GLIS1: variants seen among roughly 807,000 people sequenced by gnomAD.
GLIS1 encodes GLIS family zinc finger 1.
GLIS1 carries 24 observed loss-of-function variants against 63.8 expected under a neutral mutation model. The ratio of observed to expected loss-of-function variants is 0.38; its 90% CI spans 0.27 to 0.53. The LOEUF (loss-of-function observed/expected upper bound fraction) is 0.53, where lower values mean the gene tolerates loss of function less well. Among genes scored for constraint, GLIS1 ranks in the 20% least tolerant of loss-of-function variants. The pLI, the probability that GLIS1 is intolerant of heterozygous loss-of-function variation, is 0.85. For missense variants in GLIS1, 1,036 were observed against 1,074.1 expected, an observed-to-expected ratio of 0.96 and a Z score of 0.50; for synonymous variants, 450 against 482.5, an observed-to-expected ratio of 0.93 and a Z score of 0.88.
chr1:53,576,199 C>G (rs1292051723), intron 4 of GLIS1, among the ~76,000 whole-genome samples: 1 of 152,084 alleles, frequency 6.6e-6, no homozygotes, highest in Non-Finnish European at 1.5e-5. Context: ...CAGGCCCAGC[C>G]ACATTGGGTG....
chr1:53,619,601 A>G (rs1298861418), intron 2 of GLIS1, among the ~76,000 whole-genome samples: 1 of 152,192 alleles, frequency 6.6e-6, no homozygotes, highest in Admixed American at 6.5e-5. Context: ...ACACATCTAG[A>G]AGGAGACATA....
chr1:53,623,736 C>G (rs986079162), intron 2 of GLIS1, among the ~76,000 whole-genome samples: 1 of 152,108 alleles, frequency 6.6e-6, no homozygotes. Context: ...TTTTAATTCT[C>G]TATACTAGAG....
chr1:53,615,814 C>CT (rs1469426778), intron 2 of GLIS1, among the ~76,000 whole-genome samples: 1 of 152,016 alleles, frequency 6.6e-6, no homozygotes, highest in African/African-American at 2.4e-5. Flanking sequence ...ATGGCACCAT[C>CT]TCGGCTCACT....
intron 2 of GLIS1, among the ~76,000 whole-genome samples, chr1:53,700,910 A>T (rs989950644): frequency 6.6e-6 from 1 of 152,238 alleles, no homozygotes; most frequent in Non-Finnish European, 1.5e-5. Context: ...CACACAGCAT[A>T]ACGTTTCTAA....
chr1:53,708,945 T>C (rs1332310664), intron 2 of GLIS1, among the ~76,000 whole-genome samples: 1 of 152,090 alleles, frequency 6.6e-6, no homozygotes, highest in African/African-American at 2.4e-5. Flanking sequence ...TTCATTTACT[T>C]GTTTACTGGC....
intron 4 of GLIS1, among the ~76,000 whole-genome samples, chr1:53,544,225 A>C (rs1644675397): frequency 2.0e-5 from 3 of 152,222 alleles, no homozygotes; most frequent in African/African-American, 7.2e-5. Flanking sequence ...CCAATAATTT[A>C]CAGAAAATAG....
At chr1:53,593,356 G>A (rs1052393986) in intron 4 of GLIS1, among the ~76,000 whole-genome samples, 1 of 152,266 alleles carries the variant, frequency 6.6e-6, no homozygotes, top group Non-Finnish European at 1.5e-5. Context: ...CCCCACAGAC[G>A]GGGCAGAAAT....
intron 3 of GLIS1, among the ~76,000 whole-genome samples, chr1:53,597,995 T>C (rs529927221): frequency 6.6e-6 from 1 of 152,244 alleles, no homozygotes; most frequent in Admixed American, 6.5e-5. Flanking sequence ...ACCAGGGAAA[T>C]TGGGTACCAC....
intron 2 of GLIS1, among the ~76,000 whole-genome samples, chr1:53,718,855 G>C (rs916417887): frequency 2.0e-5 from 3 of 152,152 alleles, no homozygotes; most frequent in Non-Finnish European, 2.9e-5. Context: ...TCTCAAGTCT[G>C]ACTTTTCTGT....
intron 2 of GLIS1, among the ~76,000 whole-genome samples, chr1:53,680,516 T>C (rs1646263957): frequency 6.6e-6 from 1 of 152,226 alleles, no homozygotes; most frequent in Non-Finnish European, 1.5e-5. Context: ...TTGCAAAAGA[T>C]GAATAATAAA....
chr1:53,584,213 C>G (rs1645112273), intron 4 of GLIS1, among the ~76,000 whole-genome samples: 2 of 152,224 alleles, frequency 1.3e-5, no homozygotes, highest in Admixed American at 1.3e-4. Flanking sequence ...AGACTCTCTC[C>G]ACTCCCTCGG....
At chr1:53,703,811 T>C (rs770619363) in intron 2 of GLIS1, among the ~76,000 whole-genome samples, 2 of 152,116 alleles carry the variant, frequency 1.3e-5, no homozygotes, top group Non-Finnish European at 2.9e-5. Flanking sequence ...CTCAGAATAC[T>C]GCCTGCCTGG....
intron 2 of GLIS1, among the ~76,000 whole-genome samples, chr1:53,631,880 A>G (rs1645655486): frequency 6.6e-6 from 1 of 152,138 alleles, no homozygotes; most frequent in African/African-American, 2.4e-5. Flanking sequence ...GGCCAGGATC[A>G]GCAAGAAGCC....
chr1:53,693,951 C>A (rs3013765), intron 2 of GLIS1, among the ~76,000 whole-genome samples: 150,901 of 152,334 alleles, frequency 0.99, 74,755 homozygotes, highest in Middle Eastern at 1. Context: ...CACTCTGAAC[C>A]AGCTTTCCCT....
intron 2 of GLIS1, among the ~76,000 whole-genome samples, chr1:53,700,429 C>G (rs1357628138): frequency 6.6e-6 from 1 of 152,134 alleles, no homozygotes; most frequent in African/African-American, 2.4e-5. Flanking sequence ...GAAGTGCATA[C>G]ATCTCGGCCC....
chr1:53,510,152 T>C, intron 8 of GLIS1, 125 bp from the exon 9 acceptor site: 1 of 443,722 alleles, frequency 2.3e-6, no homozygotes, highest in Non-Finnish European at 3.8e-6. Flanking sequence ...CTGCTCCGAC[T>C]TACAATAGTT....
intron 2 of GLIS1, among the ~76,000 whole-genome samples, chr1:53,658,832 C>T (rs965651745): frequency 6.6e-6 from 1 of 152,156 alleles, no homozygotes; most frequent in African/African-American, 2.4e-5. Flanking sequence ...GCCTACCTGT[C>T]TCTCCCCCAA....
rs962511945 is a variant in GLIS1 at position 53,598,306 on chromosome 1, G to A, written c.437+1795C>T. On this transcript the variant is annotated intron_variant, in intron 3 of 10. Transcript: ENST00000628545. The surrounding 1 kb of genome is among the most constrained non-coding windows in gnomAD (Gnocchi z 4.6). ...GCCTGTAATCCCAGCACTTTGGGAG[G>A]CTGAGGCAGGTGAATTGCTTGAGCC... 6.6e-6 allele frequency among the ~76,000 whole-genome samples: 1 copy of A among 152,230 alleles called. No individual in the cohort carries two copies. The highest frequency in any genetic ancestry group is 1.5e-5 in the Non-Finnish European group (1 of 68,044).
chr1:53,705,027 C>T (rs550991918), intron 2 of GLIS1, among the ~76,000 whole-genome samples: 1 of 152,266 alleles, frequency 6.6e-6, no homozygotes, highest in East Asian at 1.9e-4. Flanking sequence ...CACACCTGCC[C>T]CCAACACGTA....
Sources: allele counts gnomAD v4.1 joint callset (sites outside exome capture counted in the v4.1 genomes callset), GRCh38; gene constraint gnomAD v4.1.1; non-coding constraint Gnocchi (gnomAD v3.1); transcripts MANE v1.5; gene names NCBI Gene and HGNC (gene_info 2026-07-23, HGNC 2026-07-21).